The following SERHL2 variants were observed in gnomAD, a reference collection of about 807,000 sequenced individuals.
SERHL2 encodes the protein serine hydrolase like 2, also known as serine hydrolase-like protein 2.
In SERHL2, 29 loss-of-function variants were observed where a neutral mutation model predicts 25.5. The ratio of observed to expected loss-of-function variants is 1.14; its 90% confidence interval spans 0.85 to 1.55. The LOEUF is 1.55. SERHL2 is among the 40% of genes most tolerant of loss of function. The pLI is 0.00. For synonymous variants in SERHL2, 95 were observed against 103.5 expected (o/e 0.92, Z 0.50); for missense variants, 240 against 252.3 (o/e 0.95, Z 0.33).
chr22:42,565,865 A>G (rs1193078462), intron 8 of SERHL2, among the ~76,000 whole-genome samples: 1 of 150,804 alleles, frequency 6.6e-6, no homozygotes, highest in African/African-American at 2.4e-5. Flanking sequence ...TTTTTGTTTG[A>G]TTTTTTGAGA....
intron 8 of SERHL2, among the ~76,000 whole-genome samples, chr22:42,562,102 C>T (rs944414919): frequency 5.3e-5 from 8 of 151,656 alleles, no homozygotes; most frequent in Admixed American, 1.3e-4. Context: ...CTGGCTGGAA[C>T]GTTGTGTGCA....
At chr22:42,563,996 C>CA (rs397775160) in intron 8 of SERHL2, among the ~76,000 whole-genome samples, 1 of 150,626 alleles carries the variant, frequency 6.6e-6, no homozygotes, top group African/African-American at 2.4e-5. Context: ...TCGCTTGAAC[C>CA]GGGAGGTGGA....
chr22:42,555,765 A>AGCT, intron 4 of SERHL2, 60 bp downstream of exon 4: 1 of 60,420 alleles, frequency 1.7e-5, no homozygotes, highest in Non-Finnish European at 2.7e-5. Context: ...GAAGGATAGG[A>AGCT]GCTGCTGCCC....
intron 8 of SERHL2, 118 bp from the exon 9 acceptor site, chr22:42,566,186 C>A: frequency 1.0e-6 from 1 of 971,690 alleles, no homozygotes; most frequent in South Asian, 1.4e-5. Flanking sequence ...ACGTCGGGGG[C>A]AGGTGGGAGA....
chr22:42,566,264 G>C (rs749248978), intron 8 of SERHL2, 40 bp from the exon 9 acceptor site: 2 of 1,603,576 alleles, frequency 1.2e-6, no homozygotes, highest in African/African-American at 1.3e-5. Flanking sequence ...GACCCTGATG[G>C]ACAGCATTGA....
At chr22:42,570,211 C>T (rs1249878527) in intron 9 of SERHL2, among the ~76,000 whole-genome samples, 1 of 152,000 alleles carries the variant, frequency 6.6e-6, no homozygotes, top group Non-Finnish European at 1.5e-5. Flanking sequence ...CACCTGAGGT[C>T]AGGAGTTCAA....
chr22:42,571,330 T>C, intron 10 of SERHL2, 127 bp downstream of exon 10: 1 of 1,511,018 alleles, frequency 6.6e-7, no homozygotes, highest in Non-Finnish European at 8.9e-7. Context: ...AGGCTCAAGA[T>C]CTTTTTTGGG....
At chr22:42,571,280 C>G (rs1460276861) in intron 10 of SERHL2, 77 bp downstream of exon 10, 1 of 1,596,344 alleles carries the variant, frequency 6.3e-7, no homozygotes, top group Non-Finnish European at 8.5e-7. Flanking sequence ...GGGGCCCTGG[C>G]ATGAGGCTCC....
intron 10 of SERHL2, among the ~76,000 whole-genome samples, chr22:42,572,097 G>C (rs1904602853): frequency 6.6e-6 from 1 of 152,106 alleles, no homozygotes; most frequent in African/African-American, 2.4e-5. Context: ...GGAGGATTGT[G>C]AAGACATAAA....
intron 8 of SERHL2, among the ~76,000 whole-genome samples, chr22:42,561,866 C>T (rs998842440): frequency 6.6e-6 from 1 of 151,798 alleles, no homozygotes; most frequent in African/African-American, 2.4e-5. Flanking sequence ...ACCCCGGGCC[C>T]AGGCTTCCTG....
chr22:42,556,863 A>G (rs1031203237), intron 6 of SERHL2, among the ~76,000 whole-genome samples: 3 of 103,036 alleles, frequency 2.9e-5, no homozygotes, highest in Non-Finnish European at 5.5e-5. Flanking sequence ...AGTGGCAGGC[A>G]GTGGAAGAGG....
intron 8 of SERHL2, among the ~76,000 whole-genome samples, chr22:42,560,954 G>A (rs1427064961): frequency 6.6e-6 from 1 of 151,710 alleles, no homozygotes; most frequent in East Asian, 1.9e-4. Context: ...AGGCTGCAGT[G>A]AGCAAGAGCC....
chr22:42,566,262 T>TG, intron 8 of SERHL2, 42 bp from the exon 9 acceptor site: 1 of 1,598,282 alleles, frequency 6.3e-7, no homozygotes, highest in Non-Finnish European at 8.6e-7. Flanking sequence ...CTGACCCTGA[T>TG]GGACAGCATT....
chr22:42,567,680 AT>A (rs1481268433), intron 9 of SERHL2, among the ~76,000 whole-genome samples: 4 of 119,746 alleles, frequency 3.3e-5, no homozygotes, highest in East Asian at 1.2e-3. Context: ...CAAAAAAAAA[AT>A]AAATAAATAA....
Position 42,553,959 on chromosome 22 carries a change from C to T in SERHL2, c.-62C>T. On this transcript the variant is annotated 5_prime_UTR_variant, in exon 1 of 12. Transcript: ENST00000327678. ...AGGGCCCGGAATTGCGGGCGTCACT[C>T]TGCTCCTGCGACCTAGCCAGGCGTG... is the stretch of plus-strand genomic sequence containing the variant. 2.5e-6 allele frequency: 4 copies of T among 1,603,210 alleles called. No homozygotes were observed. Among genetic ancestry groups the T allele is most frequent in the Non-Finnish European group, 3.4e-6 (4 of 1,172,176 alleles).
chr22:42,566,275 C>T lies in SERHL2; in HGVS notation c.614-29C>T, dbSNP rs759440293. The T allele has an allele frequency of 2.5e-5, 41 of 1,608,458 alleles. 1 individual carries two copies. The highest frequency in any genetic ancestry group is 1.6e-4 in the Middle Eastern group (1 of 6,066). On this transcript the variant is annotated intron_variant, in intron 8 of 11. Coordinates refer to ENST00000327678, the MANE Select transcript of SERHL2 (RefSeq NM_014509.5). ...CCCTGACCCTGATGGACAGCATTGA[C>T]GCTGCTGTCTTTGTGCTTCCGCCTC...
At chr22:42,563,743 G>C (rs1922992200) in intron 8 of SERHL2, among the ~76,000 whole-genome samples, 2 of 151,854 alleles carry the variant, frequency 1.3e-5, no homozygotes, top group African/African-American at 4.8e-5. Flanking sequence ...CAGAGCAGAA[G>C]GGCTATTATT....
rs1165066928 is a variant in SERHL2 at position 42,569,274 on chromosome 22, T to TG, written c.649-1847_649-1846insG. 2.0e-5 allele frequency: 3 copies of TG among 151,714 alleles called. No homozygotes were observed. In the East Asian group the frequency reaches 5.8e-4, roughly 29 times the overall value. 9.4% of individuals were successfully genotyped at this position (151,714 alleles called of 1,614,324 possible). On this transcript the variant is annotated intron_variant, in intron 9 of 11. Transcript: ENST00000327678. Reference sequence around the variant, plus strand: ...ACCTACCTTCTATTTATTTATTTATTTAGAGACCAAGTCTTACTCTGTCAT... The same window carrying TG: ...ACCTACCTTCTATTTATTTATTTATTGTAGAGACCAAGTCTTACTCTGTCAT...
Position 42,556,557 on chromosome 22 carries a change from T to C in SERHL2, c.392T>C (p.Leu131Pro). 1.2e-6 allele frequency: 2 copies of C among 1,606,696 alleles called. No individual in the cohort carries two copies. Among genetic ancestry groups the C allele is most frequent in the East Asian group, 2.2e-5 (1 of 44,790 alleles). ...FPEMVDKLIL[L>P]DTPLFLLESD... ...GAGATGGTGGATAAACTTATCTTGCTGGACACGCCGCTCTTTCTCCTGGAA... is the reference window on the plus strand; with the variant it reads ...GAGATGGTGGATAAACTTATCTTGCCGGACACGCCGCTCTTTCTCCTGGAA... The change falls in exon 6 of 12, where the codon CTG (leucine) becomes CCG (proline). Residue 131 changes from leucine to proline, a missense_variant. Leu to Pro is a moderately conservative substitution (Grantham distance 98). Transcript: ENST00000327678.
Sources: allele counts gnomAD v4.1 joint callset (sites outside exome capture counted in the v4.1 genomes callset), GRCh38; gene constraint gnomAD v4.1.1; transcripts MANE v1.5; gene names NCBI Gene and HGNC (gene_info 2026-07-23, HGNC 2026-07-21).